The following PRICKLE2 variants were observed in gnomAD, a reference collection of about 807,000 sequenced individuals.
PRICKLE2 encodes prickle planar cell polarity protein 2, also known as prickle-like protein 2.
PRICKLE2 carries 21 observed loss-of-function variants against 81.4 expected under a neutral mutation model. The ratio of observed to expected loss-of-function variants is 0.26; its 90% CI spans 0.18 to 0.37. The LOEUF is 0.37. Among genes scored for constraint, PRICKLE2 ranks in the 10% least tolerant of loss-of-function variants. The pLI is 1.00. For missense variants in PRICKLE2, 940 were observed against 1,109.0 expected, an observed-to-expected ratio of 0.85 and a Z score of 2.16; for synonymous variants, 456 against 421.5, an observed-to-expected ratio of 1.08 and a Z score of -1.00.
Position 64,098,882 on chromosome 3 carries a change from G to C in PRICKLE2, c.*169C>G. On this transcript the variant is annotated 3_prime_UTR_variant, in exon 8 of 8. Coordinates refer to ENST00000638394, the MANE Select transcript of PRICKLE2 (RefSeq NM_198859.4). ...AATAATATTCAACATGCCAAGAACT[G>C]TGACTACCTATTGAGTCAACCTGTA... 2.8e-6 allele frequency: 2 copies of C among 707,064 alleles called. No individual in the cohort carries two copies. Among genetic ancestry groups the C allele is most frequent in the South Asian group, 3.3e-5 (2 of 60,142 alleles). 43.8% of individuals were successfully genotyped at this position (707,064 alleles called of 1,614,324 possible).
At chr3:64,208,316 G>A (rs2078725731) in intron 1 of PRICKLE2, among the ~76,000 whole-genome samples, 1 of 152,148 alleles carries the variant, frequency 6.6e-6, no homozygotes, top group African/African-American at 2.4e-5. Flanking sequence ...TGTTAAAATT[G>A]AGCTATCACA....
At chr3:64,120,101 G>A (rs1233220272) in intron 7 of PRICKLE2, among the ~76,000 whole-genome samples, 1 of 151,976 alleles carries the variant, frequency 6.6e-6, no homozygotes, top group Non-Finnish European at 1.5e-5. Context: ...CTAACTATTG[G>A]GTACTATGCT....
At chr3:64,208,815 T>C (rs2078736166) in intron 1 of PRICKLE2, among the ~76,000 whole-genome samples, 1 of 152,218 alleles carries the variant, frequency 6.6e-6, no homozygotes, top group Non-Finnish European at 1.5e-5. Flanking sequence ...TAAGGACCTA[T>C]GTCATCTGAC....
chr3:64,199,164 C>G (rs1192118159), intron 1 of PRICKLE2, 197 bp from the exon 2 acceptor site: 14 of 622,144 alleles, frequency 2.3e-5, no homozygotes, highest in Non-Finnish European at 3.7e-5. Flanking sequence ...GTGAAAACAG[C>G]ATGAAAGGTC....
intron 2 of PRICKLE2, among the ~76,000 whole-genome samples, chr3:64,235,108 C>T (rs1386538835): frequency 6.6e-6 from 1 of 152,134 alleles, no homozygotes; most frequent in Non-Finnish European, 1.5e-5. Flanking sequence ...TATTGACCTA[C>T]CTTCAAATCT....
At chr3:64,133,827 CG>C (rs2077235078) in intron 7 of PRICKLE2, among the ~76,000 whole-genome samples, 1 of 152,114 alleles carries the variant, frequency 6.6e-6, no homozygotes, top group Non-Finnish European at 1.5e-5. Context: ...TCCCCAGTTA[CG>C]GGGGTCAACA....
At chr3:64,195,656 A>G (rs537598632) in intron 2 of PRICKLE2, among the ~76,000 whole-genome samples, 2 of 152,184 alleles carry the variant, frequency 1.3e-5, no homozygotes, top group Non-Finnish European at 2.9e-5. Flanking sequence ...TTTTTCTTAC[A>G]GCATACTATA....
At chr3:64,195,640 C>G (rs1323230975) in intron 2 of PRICKLE2, among the ~76,000 whole-genome samples, 1 of 151,278 alleles carries the variant, frequency 6.6e-6, no homozygotes, top group African/African-American at 2.4e-5. Context: ...CATTTAGGAA[C>G]TCAATTTTTT....
chr3:64,095,234 C>G lies in PRICKLE2; in HGVS notation c.*3817G>C, dbSNP rs2076554932. ...TCCTTTAGCCTAAGAAGTCAGCTTC[C>G]TCGAGCCTCCACAACCTGGGATGGG... On this transcript the variant is annotated 3_prime_UTR_variant, in exon 8 of 8. Coordinates refer to ENST00000638394, the MANE Select transcript of PRICKLE2 (RefSeq NM_198859.4). The G allele has an allele frequency of 6.6e-6, 1 of 152,114 alleles. No individual in the cohort carries two copies. The highest frequency in any genetic ancestry group is 2.4e-5 in the African/African-American group (1 of 41,414). The allele number at this position is 152,114 out of a possible 1,614,324, so 9.4% of individuals were successfully genotyped here.
At chr3:64,133,013 G>T (rs1035723631) in intron 7 of PRICKLE2, among the ~76,000 whole-genome samples, 1 of 152,174 alleles carries the variant, frequency 6.6e-6, no homozygotes, top group Admixed American at 6.5e-5. Context: ...CCACTAAGAG[G>T]ATTCAAAATT....
chr3:64,211,063 C>T (rs565335659), intron 1 of PRICKLE2, among the ~76,000 whole-genome samples: 1 of 152,260 alleles, frequency 6.6e-6, no homozygotes, highest in African/African-American at 2.4e-5. Flanking sequence ...AGATACATTC[C>T]CCTTGAGAGT....
At chr3:64,195,444 T>C (rs571279561) in intron 2 of PRICKLE2, among the ~76,000 whole-genome samples, 61 of 152,340 alleles carry the variant, frequency 4.0e-4, no homozygotes, top group African/African-American at 1.4e-3. Context: ...ACCTACGACC[T>C]GGGAGTGAAA....
At chr3:64,149,190 G>C (rs1206476733) in intron 6 of PRICKLE2, among the ~76,000 whole-genome samples, 1 of 152,130 alleles carries the variant, frequency 6.6e-6, no homozygotes, top group Non-Finnish European at 1.5e-5. Flanking sequence ...GCCCTCTTCT[G>C]GTTATAGGAC....
chr3:64,130,806 G>T (rs968048227), intron 7 of PRICKLE2, among the ~76,000 whole-genome samples: 4 of 152,154 alleles, frequency 2.6e-5, no homozygotes, highest in African/African-American at 9.7e-5. Context: ...TCTTGGGGGT[G>T]GGGTCCAGGT....
intron 7 of PRICKLE2, among the ~76,000 whole-genome samples, chr3:64,134,736 G>A (rs2077252017): frequency 6.6e-6 from 1 of 150,392 alleles, no homozygotes; most frequent in South Asian, 2.1e-4. Flanking sequence ...GTTTGTGTAT[G>A]AGTGTGTACC....
intron 2 of PRICKLE2, among the ~76,000 whole-genome samples, chr3:64,185,742 C>T (rs2078217725): frequency 6.6e-6 from 1 of 152,222 alleles, no homozygotes; most frequent in African/African-American, 2.4e-5. Context: ...TTCCTGTTTG[C>T]TAAAGAGTAA....
chr3:64,218,233 T>A (rs926425301), intron 1 of PRICKLE2, among the ~76,000 whole-genome samples: 2 of 152,218 alleles, frequency 1.3e-5, no homozygotes, highest in African/African-American at 2.4e-5. Context: ...TCTTTGAAAC[T>A]TCACAATGCC....
At chr3:64,107,725 T>C (rs2076779081) in intron 7 of PRICKLE2, among the ~76,000 whole-genome samples, 1 of 152,138 alleles carries the variant, frequency 6.6e-6, no homozygotes, top group African/African-American at 2.4e-5. Context: ...TGTGCACCTA[T>C]AGTCCCAGCT....
intron 7 of PRICKLE2, among the ~76,000 whole-genome samples, chr3:64,108,267 C>T (rs992511868): frequency 1.4e-4 from 22 of 152,312 alleles, no homozygotes; most frequent in African/African-American, 4.1e-4. Context: ...GGGCGCTACA[C>T]AGTTGAAGCC....
Sources: allele counts gnomAD v4.1 joint callset (sites outside exome capture counted in the v4.1 genomes callset), GRCh38; gene constraint gnomAD v4.1.1; transcripts MANE v1.5; gene names NCBI Gene and HGNC (gene_info 2026-07-23, HGNC 2026-07-21).